RIMKLB: variants seen among roughly 807,000 people sequenced by gnomAD.
RIMKLB encodes the protein beta-citrylglutamate synthase B.
RIMKLB carries 7 observed loss-of-function variants against 32.0 expected under a neutral mutation model. The observed-to-expected ratio is 0.22, with a 90% CI of 0.12 to 0.41. The LOEUF (loss-of-function observed/expected upper bound fraction) is 0.41. RIMKLB is among the 10% of genes least tolerant of loss of function. The pLI is 1.00. For synonymous variants in RIMKLB, 172 were observed against 185.1 expected, an observed-to-expected ratio of 0.93 and a Z score of 0.57; for missense variants, 289 against 498.7, an observed-to-expected ratio of 0.58 and a Z score of 4.00.
the RIMKLB span, among the ~76,000 whole-genome samples, chr12:8,672,558 A>T: frequency 2.6e-5 from 4 of 152,094 alleles, no homozygotes; most frequent in Admixed American, 1.3e-4. Flanking sequence ...AACCCATCAG[A>T]TCTCATGAGA....
At chr12:8,754,159 ATATG>A (rs1948833643) in intron 5 of RIMKLB, 66 bp downstream of exon 5, 12 of 1,199,426 alleles carry the variant, frequency 1.0e-5, no homozygotes, top group Admixed American at 6.8e-5. Context: ...GTGAGTATTC[ATATG>A]TATGTAACTC....
At chr12:8,673,262 AG>A in the RIMKLB span, among the ~76,000 whole-genome samples, 1 of 152,094 alleles carries the variant, frequency 6.6e-6, no homozygotes, top group South Asian at 2.1e-4. Flanking sequence ...TGACAGGTAG[AG>A]GTACAGTGCT....
intron 2 of RIMKLB, among the ~76,000 whole-genome samples, chr12:8,740,268 A>C (rs976429781): frequency 2.6e-5 from 4 of 152,226 alleles, no homozygotes; most frequent in Admixed American, 2.6e-4. Context: ...AACATGGTGA[A>C]TAACAACACA....
intron 1 of RIMKLB, among the ~76,000 whole-genome samples, chr12:8,700,952 G>A (rs1943338534): frequency 6.6e-6 from 1 of 152,140 alleles, no homozygotes; most frequent in East Asian, 1.9e-4. Flanking sequence ...TGTAGTCACA[G>A]CTACTCAGGA....
At chr12:8,746,330 A>G (rs1166549108) in intron 2 of RIMKLB, among the ~76,000 whole-genome samples, 2 of 151,448 alleles carry the variant, frequency 1.3e-5, no homozygotes, top group Non-Finnish European at 2.9e-5. Context: ...AAGGGCCGGG[A>G]GCTCATGCCT....
chr12:8,734,416 C>A (rs779924034), intron 2 of RIMKLB, among the ~76,000 whole-genome samples: 1 of 152,254 alleles, frequency 6.6e-6, no homozygotes, highest in Admixed American at 6.5e-5. Context: ...CCTATTGACG[C>A]TTAGAAAGTT....
intron 1 of RIMKLB, among the ~76,000 whole-genome samples, chr12:8,705,476 CAAAA>C (rs10607711): frequency 6.6e-5 from 7 of 105,324 alleles, no homozygotes; most frequent in Non-Finnish European, 9.8e-5. Flanking sequence ...GACTCCATCT[CAAAA>C]AAAAAAAAAA....
intron 2 of RIMKLB, among the ~76,000 whole-genome samples, chr12:8,720,900 G>A (rs7969179): frequency 0.021 from 3,156 of 152,180 alleles, 105 homozygotes; most frequent in African/African-American, 0.071. Context: ...GACACAAAGT[G>A]AGACCCCTTT....
At chr12:8,693,589 G>A (rs893467321), upstream of RIMKLB, among the ~76,000 whole-genome samples, 2 of 151,768 alleles carry the variant, frequency 1.3e-5, no homozygotes, top group African/African-American at 2.4e-5. Flanking sequence ...TAGAGATGGG[G>A]TTTCACCATG....
chr12:8,743,990 T>G (rs1947838068), intron 2 of RIMKLB, among the ~76,000 whole-genome samples: 1 of 152,018 alleles, frequency 6.6e-6, no homozygotes, highest in South Asian at 2.1e-4. Flanking sequence ...CACATTCAGT[T>G]GGAATACATG....
Position 8,740,980 on chromosome 12 carries a change from G to A in RIMKLB, c.176-8882G>A, listed in dbSNP as rs759821175. ...TCCCAGCATTTTGGGAGACTGAGGC[G>A]GGCAAATCATGAGGTCAGGAGTTCG... On this transcript the variant is annotated intron_variant, in intron 2 of 5. Coordinates refer to ENST00000535829, the MANE Select transcript of RIMKLB (RefSeq NM_001297776.2). Among the ~76,000 whole-genome samples the A allele has an allele frequency of 1.2e-4, 19 of 152,132 alleles. No individual in the cohort carries two copies. In the South Asian group the frequency reaches 2.7e-3, roughly 22 times the overall value.
intron 1 of RIMKLB, among the ~76,000 whole-genome samples, chr12:8,710,191 A>G (rs1944252522): frequency 6.6e-6 from 1 of 151,302 alleles, no homozygotes; most frequent in African/African-American, 2.4e-5. Context: ...TGGAGTCTTA[A>G]TCATGTCAGC....
chr12:8,700,648 G>GT (rs1204979964), intron 1 of RIMKLB: 1 of 152,210 alleles, frequency 6.6e-6, no homozygotes, highest in Non-Finnish European at 1.5e-5. Context: ...GCTGACAACT[G>GT]TTTTGGGGGC....
chr12:8,754,872 C>G (rs1323818297), intron 5 of RIMKLB, among the ~76,000 whole-genome samples: 1 of 152,200 alleles, frequency 6.6e-6, no homozygotes, highest in Non-Finnish European at 1.5e-5. Context: ...TCACTGCAGC[C>G]TCAACCTCCC....
chr12:8,719,656 A>C lies in RIMKLB; in HGVS notation c.175+5615A>C, dbSNP rs530041992. On this transcript the variant is annotated intron_variant, in intron 2 of 5. Coordinates refer to ENST00000535829, the MANE Select transcript of RIMKLB (RefSeq NM_001297776.2). ...GGTGCTAGGATTACAGGCATGAGTC[A>C]CAGTGCCCAGCCTAAGCTGGGTTTT... 8.3e-4 allele frequency among the ~76,000 whole-genome samples: 126 copies of C among 152,330 alleles called. 1 individual carries two copies. Among genetic ancestry groups the C allele is most frequent in the Non-Finnish European group, 1.5e-3 (100 of 68,030 alleles).
intron 2 of RIMKLB, among the ~76,000 whole-genome samples, chr12:8,718,663 A>ATGTGTGTGTG (rs1379997821): frequency 1.1e-4 from 13 of 116,026 alleles, no homozygotes; most frequent in African/African-American, 1.2e-4. Flanking sequence ...CTATATATAT[A>ATGTGTGTGTG]TATATATGTG....
chr12:8,672,975 G>A, the RIMKLB span, among the ~76,000 whole-genome samples: 6 of 152,062 alleles, frequency 3.9e-5, no homozygotes, highest in African/African-American at 1.2e-4. Context: ...TCCACCTCCC[G>A]GGTTCAAGAG....
At position 8,698,177 on chromosome 12, in the gene RIMKLB, AT is replaced by A. The variant is rs752927778; in HGVS notation, c.-176del. On this transcript the variant is annotated 5_prime_UTR_variant, in exon 1 of 6. Coordinates refer to ENST00000535829, the MANE Select transcript of RIMKLB (RefSeq NM_001297776.2). ...GAGGAGAAAGGAGGCGGCTCCCGGT[AT>A]CCCGACCCCCTCCCCCTCCTCTCCT... 9.1e-4 allele frequency: 308 copies of A among 336,788 alleles called. 3 individuals carry two copies. The highest frequency in any genetic ancestry group is 6.8e-3 in the African/African-American group (298 of 43,736). 20.9% of individuals were successfully genotyped at this position (336,788 alleles called of 1,614,324 possible). A position where few individuals can be genotyped will look rare whatever the true frequency, so the allele number is the denominator to read the frequency against.
the RIMKLB span, among the ~76,000 whole-genome samples, chr12:8,675,782 T>A: frequency 1.9e-4 from 29 of 151,896 alleles, no homozygotes; most frequent in Non-Finnish European, 3.4e-4. Flanking sequence ...CATATAGTTG[T>A]TTTCTTGTTT....
Sources: gnomAD v4.1 joint callset for allele counts (sites outside exome capture counted in the v4.1 genomes callset) on GRCh38, gnomAD v4.1.1 for gene constraint, MANE v1.5 for transcripts, NCBI Gene and HGNC (gene_info 2026-07-23, HGNC 2026-07-21) for gene names.